OPCML: variants seen among roughly 807,000 people sequenced by gnomAD.
OPCML encodes the protein opioid-binding protein/cell adhesion molecule.
In OPCML, 13 loss-of-function variants were observed where a neutral mutation model predicts 37.8. The observed-to-expected ratio is 0.34, with a 90% confidence interval of 0.22 to 0.55. The LOEUF is 0.55. Among genes scored for constraint, OPCML ranks in the 20% least tolerant of loss-of-function variants. OPCML has a pLI of 0.91. For synonymous variants in OPCML, 176 were observed against 168.8 expected (o/e 1.04, Z -0.33); for missense variants, 341 against 435.6 (o/e 0.78, Z 1.93).
chr11:133,111,882 G>A (rs554030259), intron 1 of OPCML, among the ~76,000 whole-genome samples: 1 of 152,242 alleles, frequency 6.6e-6, no homozygotes, highest in East Asian at 1.9e-4. Context: ...CAGGATGGGT[G>A]GAGGATGTTT....
At chr11:133,223,697 G>T (rs951483380) in intron 1 of OPCML, among the ~76,000 whole-genome samples, 1 of 152,212 alleles carries the variant, frequency 6.6e-6, no homozygotes, top group African/African-American at 2.4e-5. Flanking sequence ...GTGGCAGAAA[G>T]ATGTTTCCAT....
chr11:133,091,142 G>T (rs1317732365), intron 1 of OPCML, among the ~76,000 whole-genome samples: 1 of 152,220 alleles, frequency 6.6e-6, no homozygotes, highest in Non-Finnish European at 1.5e-5. Context: ...CCCAGGTGCA[G>T]CTTGGGCCAC....
At chr11:133,118,341 C>A (rs1430672498) in intron 1 of OPCML, 28 of 985,210 alleles carry the variant, frequency 2.8e-5, no homozygotes, top group African/African-American at 2.6e-4. Context: ...CAGGCTGGTG[C>A]AAGGACATGC....
intron 1 of OPCML, among the ~76,000 whole-genome samples, chr11:133,256,344 T>G (rs1243310902): frequency 1.3e-5 from 2 of 152,204 alleles, no homozygotes; most frequent in Non-Finnish European, 2.9e-5. Context: ...ATACCTTCCT[T>G]GTAGGATATT....
intron 1 of OPCML, among the ~76,000 whole-genome samples, chr11:132,972,024 C>A (rs1946353925): frequency 6.6e-6 from 1 of 152,310 alleles, no homozygotes; most frequent in East Asian, 1.9e-4. Flanking sequence ...AATCCAAGGG[C>A]CTAAATACTT....
At chr11:133,324,808 A>G (rs1943410796) in intron 1 of OPCML, among the ~76,000 whole-genome samples, 1 of 152,232 alleles carries the variant, frequency 6.6e-6, no homozygotes, top group Non-Finnish European at 1.5e-5. Context: ...GTAGAGATGT[A>G]TAAATATATA....
chr11:132,751,287 G>A (rs1420130327), intron 2 of OPCML, among the ~76,000 whole-genome samples: 1 of 152,104 alleles, frequency 6.6e-6, no homozygotes, highest in Admixed American at 6.6e-5. Context: ...TCCAGCGGTG[G>A]TGAGACTCTG....
intron 3 of OPCML, among the ~76,000 whole-genome samples, chr11:132,599,952 T>C (rs2137769105): frequency 6.6e-6 from 1 of 152,306 alleles, no homozygotes; most frequent in East Asian, 1.9e-4. Flanking sequence ...CGAACAATCA[T>C]TATTTTGCCT....
intron 1 of OPCML, among the ~76,000 whole-genome samples, chr11:133,122,109 A>AATTG (rs1949431986): frequency 6.6e-6 from 1 of 152,174 alleles, no homozygotes; most frequent in African/African-American, 2.4e-5. Context: ...AATAGTGTAA[A>AATTG]ATTGTTGTTC....
At chr11:132,885,517 A>C (rs1188892587) in intron 2 of OPCML, among the ~76,000 whole-genome samples, 2 of 152,200 alleles carry the variant, frequency 1.3e-5, no homozygotes, top group African/African-American at 4.8e-5. Context: ...CCTACTTCAC[A>C]TGACATCATA....
intron 2 of OPCML, among the ~76,000 whole-genome samples, chr11:132,733,764 G>A (rs1945162924): frequency 6.6e-6 from 1 of 152,178 alleles, no homozygotes; most frequent in Admixed American, 6.5e-5. Flanking sequence ...AAAGTGTGCT[G>A]AGAAAGAGAT....
intron 2 of OPCML, among the ~76,000 whole-genome samples, chr11:132,754,152 A>G (rs574562140): frequency 5.4e-4 from 83 of 152,312 alleles, no homozygotes; most frequent in African/African-American, 1.9e-3. Flanking sequence ...ATCAGCCTCC[A>G]ACAGTAAGAG....
At chr11:133,196,958 A>G (rs1363138878) in intron 1 of OPCML, among the ~76,000 whole-genome samples, 2 of 152,222 alleles carry the variant, frequency 1.3e-5, no homozygotes, top group Non-Finnish European at 2.9e-5. Flanking sequence ...TGCCTTTTCT[A>G]GTAAAGACAG....
At chr11:133,008,352 A>T in intron 1 of OPCML, 1 of 985,386 alleles carries the variant, frequency 1.0e-6, no homozygotes, top group Non-Finnish European at 1.2e-6. Context: ...CCTGAAAGGA[A>T]TATGTTCCTT....
chr11:133,007,042 A>G lies in OPCML; in HGVS notation c.62-64032T>C, dbSNP rs189931181. The stretch of plus-strand genomic sequence containing the variant: ...AAACAGGAGAGAGGAAAGGCATGAG[A>G]AAAAAATCCTTTTCTTTCCAGACTT... On this transcript the variant is annotated intron_variant, in intron 1 of 7. Coordinates refer to ENST00000524381, the MANE Select transcript of OPCML (RefSeq NM_001012393.5). The G allele has an allele frequency of 5.6e-5, 55 of 985,430 alleles. No individual in the cohort carries two copies. In the Admixed American group the frequency reaches 2.8e-3, roughly 51 times the overall value. 61.0% of individuals were successfully genotyped at this position (985,430 alleles called of 1,614,324 possible).
At chr11:132,576,373 G>A (rs550293173) in intron 3 of OPCML, among the ~76,000 whole-genome samples, 2 of 149,688 alleles carry the variant, frequency 1.3e-5, no homozygotes, top group South Asian at 2.1e-4. Flanking sequence ...ACTTGTCTTA[G>A]CATTTGCAAA....
chr11:132,713,786 C>T (rs1475247007), intron 2 of OPCML, among the ~76,000 whole-genome samples: 1 of 152,204 alleles, frequency 6.6e-6, no homozygotes, highest in Non-Finnish European at 1.5e-5. Flanking sequence ...GGTACGTTCT[C>T]CACCTGCAGG....
chr11:132,829,120 A>G (rs1940534832), intron 2 of OPCML, among the ~76,000 whole-genome samples: 1 of 152,314 alleles, frequency 6.6e-6, no homozygotes, highest in South Asian at 2.1e-4. Flanking sequence ...GATATTATTT[A>G]TTCTAGTATT....
At chr11:132,884,709 G>A (rs2136439863) in intron 2 of OPCML, among the ~76,000 whole-genome samples, 1 of 152,244 alleles carries the variant, frequency 6.6e-6, no homozygotes, top group East Asian at 1.9e-4. Context: ...TTTCATTAGT[G>A]GCTACAATCA....
Sources: allele counts gnomAD v4.1 joint callset (sites outside exome capture counted in the v4.1 genomes callset), GRCh38; gene constraint gnomAD v4.1.1; transcripts MANE v1.5; gene names NCBI Gene and HGNC (gene_info 2026-07-23, HGNC 2026-07-21).